Variants in CCN4 observed in about 807,000 individuals in gnomAD.
CCN4 encodes CCN family member 4.
CCN4 carries 30 observed loss-of-function variants against 36.7 expected under a neutral mutation model. That is an observed-to-expected ratio of 0.82 (90% confidence interval 0.61 to 1.11). The LOEUF (loss-of-function observed/expected upper bound fraction) is 1.11, where lower values mean the gene tolerates loss of function less well. CCN4 is among the 50% of genes least tolerant of loss of function. The pLI is 0.00. For synonymous variants in CCN4, 191 were observed against 195.4 expected (o/e 0.98, Z 0.19); for missense variants, 505 against 504.9 (o/e 1.00, Z 0.00).
In CCN4 at chr8:133,200,878, G is replaced by A. The variant is rs550887690; in HGVS notation, c.69+9665G>A. ...TGGCCCACTGGTCATCACGTGTCAT[G>A]CCACGTTGCTTCTGCCTGCACACCC... On this transcript the variant is annotated intron_variant, in intron 1 of 4. Transcript: ENST00000250160. 3.9e-5 allele frequency among the ~76,000 whole-genome samples: 6 copies of A among 152,276 alleles called. No individual in the cohort carries two copies. In the South Asian group the frequency reaches 1.2e-3, roughly 32 times the overall value.
Position 133,213,106 on chromosome 8 carries a change from C to T in CCN4, c.312C>T (p.Ser104=), listed in dbSNP as rs772399734. The change falls in exon 2 of 5, where the codon AGC becomes AGT. Residue 104 remains serine, a synonymous_variant. Transcript: ENST00000250160. The stretch of plus-strand genomic sequence containing the variant: ...ACCGGGGCCTCTACTGTGACTACAG[C>T]GGGGACCGCCCGAGGTACGCAATAG... ...DPHRGLYCDY[S]GDRPRYAIGV... 5.6e-6 allele frequency: 9 copies of T among 1,613,616 alleles called. No individual in the cohort carries two copies. The South Asian group carries it at 8.8e-5, about 16-fold the overall frequency.
At chr8:133,219,618 A>G (rs1175825449) in intron 2 of CCN4, among the ~76,000 whole-genome samples, 2 of 152,230 alleles carry the variant, frequency 1.3e-5, no homozygotes, top group Admixed American at 6.5e-5. Flanking sequence ...ATATCATTCT[A>G]TTTACAGCAT....
At chr8:133,211,306 C>T (rs1854020490) in intron 1 of CCN4, among the ~76,000 whole-genome samples, 1 of 152,250 alleles carries the variant, frequency 6.6e-6, no homozygotes, top group Non-Finnish European at 1.5e-5. Context: ...CTCCCATAAG[C>T]TGTGGGTTCC....
At chr8:133,227,018 C>T (rs531628857) in intron 4 of CCN4, among the ~76,000 whole-genome samples, 1 of 152,148 alleles carries the variant, frequency 6.6e-6, no homozygotes, top group Non-Finnish European at 1.5e-5. Context: ...AAAGCGTGTC[C>T]CCTGAGTGTG....
chr8:133,192,450 A>C (rs1220077735), intron 1 of CCN4, among the ~76,000 whole-genome samples: 2 of 152,230 alleles, frequency 1.3e-5, no homozygotes. Context: ...CCAGAAAGTT[A>C]TCAGCTCCAT....
At chr8:133,218,252 T>G (rs1208355283) in intron 2 of CCN4, among the ~76,000 whole-genome samples, 1 of 152,106 alleles carries the variant, frequency 6.6e-6, no homozygotes, top group Non-Finnish European at 1.5e-5. Flanking sequence ...GAGAACTGAA[T>G]GAGATAATGT....
intron 1 of CCN4, among the ~76,000 whole-genome samples, chr8:133,195,988 G>A (rs1853368603): frequency 6.6e-6 from 1 of 152,218 alleles, no homozygotes; most frequent in Admixed American, 6.5e-5. Flanking sequence ...GTTCCTGGGA[G>A]GGGCTGAGAA....
chr8:133,224,827 G>A (rs1310431932), intron 3 of CCN4, among the ~76,000 whole-genome samples: 2 of 152,052 alleles, frequency 1.3e-5, no homozygotes, highest in East Asian at 3.9e-4. Flanking sequence ...TCAGCTACTT[G>A]GGAGGCTGAG....
intron 1 of CCN4, among the ~76,000 whole-genome samples, chr8:133,199,609 C>T (rs1167294403): frequency 6.6e-6 from 1 of 152,190 alleles, no homozygotes; most frequent in Non-Finnish European, 1.5e-5. Context: ...TCATGGATAA[C>T]AGAGCTGGCA....
At chr8:133,218,074 C>A (rs28615068) in intron 2 of CCN4, among the ~76,000 whole-genome samples, 68,796 of 151,906 alleles carry the variant, frequency 0.45, 16,810 homozygotes, top group Middle Eastern at 0.6. Flanking sequence ...CCCTCCTTCA[C>A]TGGTGTCTGG....
intron 2 of CCN4, among the ~76,000 whole-genome samples, chr8:133,214,462 T>G (rs978599981): frequency 8.5e-5 from 13 of 152,092 alleles, no homozygotes; most frequent in Non-Finnish European, 1.3e-4. Flanking sequence ...GGCCTTTGCT[T>G]TTTCTTTATT....
intron 2 of CCN4, among the ~76,000 whole-genome samples, chr8:133,218,957 GC>G (rs1396319359): frequency 1.3e-5 from 2 of 152,014 alleles, no homozygotes; most frequent in African/African-American, 4.8e-5. Context: ...CCCCCGCACA[GC>G]CCCTCTGTCA....
At chr8:133,195,639 C>T (rs1445692388) in intron 1 of CCN4, among the ~76,000 whole-genome samples, 1 of 152,116 alleles carries the variant, frequency 6.6e-6, no homozygotes, top group Non-Finnish European at 1.5e-5. Flanking sequence ...CACTGAAAGG[C>T]ATTTCCCCCT....
rs556154589 is a variant in CCN4 at position 133,220,722 on chromosome 8, G to A, written c.491G>A (p.Arg164His). 5.4e-5 allele frequency: 87 copies of A among 1,613,654 alleles called. 1 individual carries two copies. The East Asian group carries it at 9.8e-4, about 18-fold the overall frequency. The change falls in exon 3 of 5, where the codon CGT (arginine) becomes CAT (histidine). Residue 164 changes from arginine (R) to histidine (H), a missense_variant. Coordinates refer to ENST00000250160, the MANE Select transcript of CCN4 (RefSeq NM_003882.4). Reference protein sequence around the residue: ...TPLCLRVRPPRLWCPHPRRVS... With the variant: ...TPLCLRVRPPHLWCPHPRRVS... ...CTGTGCCTCCGAGTGCGCCCCCCGC[G>A]TCTCTGGTGCCCCCACCCGCGGCGC...
chr8:133,208,715 C>G (rs535472139), intron 1 of CCN4, among the ~76,000 whole-genome samples: 23 of 152,246 alleles, frequency 1.5e-4, no homozygotes, highest in African/African-American at 4.3e-4. Flanking sequence ...TTCCCACCCC[C>G]TCTTCAAAAC....
intron 2 of CCN4, among the ~76,000 whole-genome samples, chr8:133,213,767 A>G (rs1272794629): frequency 6.8e-6 from 1 of 147,118 alleles, no homozygotes; most frequent in Non-Finnish European, 1.5e-5. Flanking sequence ...TTATCTTTCT[A>G]ATGAACTTGA....
At position 133,225,490 on chromosome 8, in the gene CCN4, G is replaced by A. The variant is rs763708830; in HGVS notation, c.711G>A (p.Arg237=). The change falls in exon 4 of 5, where the codon CGG becomes CGA. Residue 237 remains arginine, a synonymous_variant. Transcript: ENST00000250160. ...GCTGCGGCCTGGGGGTCTCCACTCG[G>A]ATCTCCAATGTTAACGCCCAGTGCT... ...STSCGLGVST[R]ISNVNAQCWP... The A allele has an allele frequency of 3.1e-5, 50 of 1,613,968 alleles. No homozygotes were observed. The highest frequency in any genetic ancestry group is 4.1e-5 in the Non-Finnish European group (48 of 1,180,008).
rs189846552 is a variant in CCN4, at chr8:133,192,660, C to T, written c.69+1447C>T. Reference sequence around the variant, plus strand: ...TTTATTTCGGCTCTGGGTATGGCTGCGCCTTTATTTGGGTATAGCTTTGCA... The same window carrying T: ...TTTATTTCGGCTCTGGGTATGGCTGTGCCTTTATTTGGGTATAGCTTTGCA... On this transcript the variant is annotated intron_variant, in intron 1 of 4. Coordinates refer to ENST00000250160, the MANE Select transcript of CCN4 (RefSeq NM_003882.4). Among the ~76,000 whole-genome samples the T allele has an allele frequency of 4.8e-3, 724 of 152,238 alleles. 6 individuals are homozygous for T. Among genetic ancestry groups the T allele is most frequent in the African/African-American group, 0.017 (689 of 41,530 alleles).
At chr8:133,225,807 C>G (rs1481477520) in intron 4 of CCN4, among the ~76,000 whole-genome samples, 1 of 152,098 alleles carries the variant, frequency 6.6e-6, no homozygotes, top group Non-Finnish European at 1.5e-5. Context: ...TTATTAGAAT[C>G]AGGATCACTC....
Sources: allele counts gnomAD v4.1 joint callset (sites outside exome capture counted in the v4.1 genomes callset), GRCh38; gene constraint gnomAD v4.1.1; transcripts MANE v1.5; gene names NCBI Gene and HGNC (gene_info 2026-07-23, HGNC 2026-07-21).